Variants in WWOX observed in about 807,000 individuals in gnomAD.
WWOX encodes the protein WW domain-containing oxidoreductase.
Under a neutral mutation model 46.2 loss-of-function variants are expected in WWOX, and 69 were observed. The observed-to-expected ratio is 1.49, with a 90% confidence interval of 1.23 to 1.82. WWOX has a LOEUF of 1.82. Among genes scored for constraint, WWOX ranks in the 40% most tolerant of loss-of-function variants. WWOX has a pLI of 0.00. For synonymous variants in WWOX, 359 were observed against 202.6 expected, an observed-to-expected ratio of 1.77 and a Z score of -6.56; for missense variants, 919 against 542.6, an observed-to-expected ratio of 1.69 and a Z score of -6.89.
intron 8 of WWOX, among the ~76,000 whole-genome samples, chr16:78,999,443 C>G (rs150091162): frequency 5.9e-5 from 9 of 152,256 alleles, no homozygotes; most frequent in Admixed American, 2.0e-4. Context: ...GCACTCCAGC[C>G]TGGGCAGCAG....
intron 5 of WWOX, among the ~76,000 whole-genome samples, chr16:78,289,551 A>G (rs2079826769): frequency 6.6e-6 from 1 of 152,158 alleles, no homozygotes; most frequent in Non-Finnish European, 1.5e-5. Flanking sequence ...TTTCCCAACA[A>G]TCGGTTCCGC....
intron 8 of WWOX, among the ~76,000 whole-genome samples, chr16:78,581,489 C>G (rs528425689): frequency 6.6e-6 from 1 of 152,212 alleles, no homozygotes; most frequent in African/African-American, 2.4e-5. Flanking sequence ...ATAGTTTAAC[C>G]CTTTGAAGTT....
intron 8 of WWOX, among the ~76,000 whole-genome samples, chr16:79,134,515 C>G (rs980599737): frequency 2.0e-5 from 3 of 152,170 alleles, no homozygotes; most frequent in Non-Finnish European, 4.4e-5. Context: ...TTGTTCTTCC[C>G]TACCCGGGGC....
At chr16:78,444,595 T>C (rs1041354173) in intron 8 of WWOX, among the ~76,000 whole-genome samples, 1 of 150,694 alleles carries the variant, frequency 6.6e-6, no homozygotes, top group Non-Finnish European at 1.5e-5. Flanking sequence ...AGTGGGGCGA[T>C]CTCGGCTCAC....
Position 78,390,098 on chromosome 16 carries a change from G to A in WWOX, c.605+3150G>A, listed in dbSNP as rs78474044. Among the ~76,000 whole-genome samples the A allele has an allele frequency of 1.1e-4, 16 of 152,212 alleles. No individual in the cohort carries two copies. The East Asian group carries it at 2.3e-3, about 22-fold the overall frequency. ...GACTCAGAGAATGTGAGTGACTTTC[G>A]CAGGGTCACTTAGCAGGTTGGTGAC... On this transcript the variant is annotated intron_variant, in intron 6 of 8. Coordinates refer to ENST00000566780, the MANE Select transcript of WWOX (RefSeq NM_016373.4).
intron 5 of WWOX, among the ~76,000 whole-genome samples, chr16:78,359,822 G>A (rs1222227057): frequency 1.3e-5 from 2 of 152,170 alleles, no homozygotes; most frequent in East Asian, 1.9e-4. Flanking sequence ...GATGAACAGG[G>A]AAGACTTCCT....
In WWOX at chr16:78,285,111, T is replaced by A. The variant is rs533990294; in HGVS notation, c.517-101749T>A. On this transcript the variant is annotated intron_variant, in intron 5 of 8. Transcript: ENST00000566780. ...CTGCTTCTGCTTTGTTTATAGACTG[T>A]CAGCCTTGGATCTGTCACTCCCTCA... Among the ~76,000 whole-genome samples the A allele has an allele frequency of 3.9e-5, 6 of 152,216 alleles. 1 individual carries two copies. The South Asian group carries it at 1.2e-3, about 32-fold the overall frequency.
intron 8 of WWOX, among the ~76,000 whole-genome samples, chr16:78,664,548 C>T (rs1337518105): frequency 6.6e-6 from 1 of 152,206 alleles, no homozygotes; most frequent in Admixed American, 6.5e-5. Context: ...AATAAAGTCT[C>T]CCACTTAAAA....
At chr16:78,939,979 A>G (rs1250071421) in intron 8 of WWOX, among the ~76,000 whole-genome samples, 1 of 152,252 alleles carries the variant, frequency 6.6e-6, no homozygotes, top group Non-Finnish European at 1.5e-5. Flanking sequence ...CATAAACTAC[A>G]TAACTGGAAA....
chr16:78,847,680 T>C lies in WWOX; in HGVS notation c.1057-363928T>C, dbSNP rs770362287. The stretch of plus-strand genomic sequence containing the variant: ...AGCTTTCTTTGGGATGTTATTTAAC[T>C]CTCAGTTTCTTCTTCTATAAGATGG... On this transcript the variant is annotated intron_variant, in intron 8 of 8. Transcript: ENST00000566780. Among the ~76,000 whole-genome samples, 2 of 152,012 alleles carry C rather than the reference T, an allele frequency of 1.3e-5. 1 individual carries two copies. Among genetic ancestry groups the C allele is most frequent in the Non-Finnish European group, 2.9e-5 (2 of 68,018 alleles).
chr16:78,723,231 ATT>A (rs2048735839), intron 8 of WWOX, among the ~76,000 whole-genome samples: 1 of 152,120 alleles, frequency 6.6e-6, no homozygotes, highest in African/African-American at 2.4e-5. Flanking sequence ...TCTTCTTTAT[ATT>A]ATAAGTTTAT....
intron 8 of WWOX, among the ~76,000 whole-genome samples, chr16:78,614,798 T>G (rs954145738): frequency 6.6e-6 from 1 of 152,218 alleles, no homozygotes; most frequent in Non-Finnish European, 1.5e-5. Flanking sequence ...TTTAAATGTT[T>G]TTTTAAGTTA....
At chr16:78,739,486 A>T (rs1190594150) in intron 8 of WWOX, among the ~76,000 whole-genome samples, 2 of 152,116 alleles carry the variant, frequency 1.3e-5, no homozygotes, top group Non-Finnish European at 2.9e-5. Context: ...GGGTGACAAC[A>T]GGTCGGTAAG....
At chr16:78,781,414 C>G (rs981395705) in intron 8 of WWOX, among the ~76,000 whole-genome samples, 5 of 152,186 alleles carry the variant, frequency 3.3e-5, no homozygotes, top group African/African-American at 1.2e-4. Flanking sequence ...CCTCCCACCT[C>G]TAGCCCACCC....
At chr16:78,801,014 C>G (rs1329434484) in intron 8 of WWOX, among the ~76,000 whole-genome samples, 5 of 151,734 alleles carry the variant, frequency 3.3e-5, no homozygotes, top group Admixed American at 1.3e-4. Flanking sequence ...TTATTTCATG[C>G]TCCACTTTTC....
intron 5 of WWOX, among the ~76,000 whole-genome samples, chr16:78,353,400 G>A (rs184863173): frequency 4.6e-5 from 7 of 152,174 alleles, no homozygotes; most frequent in Non-Finnish European, 1.0e-4. Flanking sequence ...CCTTCCAGGG[G>A]TGTAAGCCAA....
chr16:78,422,586 T>A (rs2082957442), intron 6 of WWOX, among the ~76,000 whole-genome samples: 1 of 146,568 alleles, frequency 6.8e-6, no homozygotes, highest in African/African-American at 2.5e-5. Flanking sequence ...GCTCAAGTGA[T>A]TATCCTGCCT....
intron 8 of WWOX, chr16:78,535,337 G>A (rs2043732813): frequency 6.6e-6 from 1 of 152,208 alleles, no homozygotes; most frequent in Non-Finnish European, 1.5e-5. Context: ...GATGATATGG[G>A]TAATGACTTG....
At chr16:78,325,571 C>T (rs570298361) in intron 5 of WWOX, among the ~76,000 whole-genome samples, 3 of 152,246 alleles carry the variant, frequency 2.0e-5, no homozygotes, top group South Asian at 2.1e-4. Context: ...TTAGTGATCT[C>T]TGTAAGAGAA....
Sources: allele counts gnomAD v4.1 joint callset (sites outside exome capture counted in the v4.1 genomes callset), GRCh38; gene constraint gnomAD v4.1.1; transcripts MANE v1.5; gene names NCBI Gene and HGNC (gene_info 2026-07-23, HGNC 2026-07-21).